The following PCDH9 variants were observed in gnomAD, a reference collection of about 807,000 sequenced individuals.
PCDH9 encodes the protein protocadherin-9.
A neutral mutation model predicts 70.6 loss-of-function variants in PCDH9; 24 were observed. The ratio of observed to expected loss-of-function variants is 0.34; its 90% CI spans 0.25 to 0.48. The LOEUF is 0.48. PCDH9 is among the 20% of genes least tolerant of loss of function. The pLI is 0.99. For missense variants in PCDH9, 1,281 were observed against 1,503.6 expected (o/e 0.85, Z 2.45); for synonymous variants, 562 against 558.5 (o/e 1.01, Z -0.09).
chr13:66,530,820 G>C (rs1960418398), intron 4 of PCDH9, among the ~76,000 whole-genome samples: 1 of 151,976 alleles, frequency 6.6e-6, no homozygotes. Context: ...AGTTTCTCTG[G>C]GGAGAACACT....
At chr13:66,326,203 T>A (rs1038942663) in intron 4 of PCDH9, among the ~76,000 whole-genome samples, 1 of 152,104 alleles carries the variant, frequency 6.6e-6, no homozygotes, top group Non-Finnish European at 1.5e-5. Flanking sequence ...CACAGGTGGA[T>A]ACAAATTATC....
At chr13:66,517,773 A>G (rs1406982950) in intron 4 of PCDH9, among the ~76,000 whole-genome samples, 1 of 152,122 alleles carries the variant, frequency 6.6e-6, no homozygotes, top group South Asian at 2.1e-4. Context: ...CTTTTAATAA[A>G]CAATTCTTGA....
At chr13:66,671,633 C>A (rs1382241586) in intron 3 of PCDH9, among the ~76,000 whole-genome samples, 1 of 152,130 alleles carries the variant, frequency 6.6e-6, no homozygotes, top group Non-Finnish European at 1.5e-5. Flanking sequence ...AGCAAAGAGA[C>A]TGGTGGCATT....
chr13:66,692,537 T>C (rs922220166), intron 3 of PCDH9, among the ~76,000 whole-genome samples: 1 of 152,022 alleles, frequency 6.6e-6, no homozygotes, highest in African/African-American at 2.4e-5. Context: ...TAATTACAAT[T>C]CCAATGGAGC....
chr13:66,453,569 A>G (rs1242519906), intron 4 of PCDH9, among the ~76,000 whole-genome samples: 1 of 152,174 alleles, frequency 6.6e-6, no homozygotes, highest in Non-Finnish European at 1.5e-5. Context: ...CTGTGCTAGC[A>G]TAAACACTCT....
At chr13:66,334,046 A>G (rs1412640664) in intron 4 of PCDH9, among the ~76,000 whole-genome samples, 1 of 152,198 alleles carries the variant, frequency 6.6e-6, no homozygotes, top group African/African-American at 2.4e-5. Flanking sequence ...TGTTGAGAAC[A>G]TTCCAAATAT....
At chr13:66,421,276 TC>T (rs1404083723) in intron 4 of PCDH9, among the ~76,000 whole-genome samples, 1 of 152,068 alleles carries the variant, frequency 6.6e-6, no homozygotes, top group Non-Finnish European at 1.5e-5. Context: ...CAGGAGAACT[TC>T]CCCGACCTAG....
At chr13:66,561,634 ACT>A (rs1962041602) in intron 4 of PCDH9, among the ~76,000 whole-genome samples, 2 of 152,072 alleles carry the variant, frequency 1.3e-5, no homozygotes, top group South Asian at 2.1e-4. Context: ...ACCAATCCAC[ACT>A]CTGTATCTAG....
intron 3 of PCDH9, among the ~76,000 whole-genome samples, chr13:66,633,962 T>C (rs939048802): frequency 6.6e-6 from 1 of 152,268 alleles, no homozygotes; most frequent in African/African-American, 2.4e-5. Context: ...GGTACAATGA[T>C]TACACTGAAA....
rs71207607 is a variant in PCDH9 at position 66,828,810 on chromosome 13, A to AAAAAAAAAAAAAAAAAATAAT, written c.3138+74693_3138+74694insATTATTTTTTTTTTTTTTTTT. Among the ~76,000 whole-genome samples the AAAAAAAAAAAAAAAAAATAAT allele has an allele frequency of 3.6e-3, 536 of 148,516 alleles. 6 individuals are homozygous for AAAAAAAAAAAAAAAAAATAAT. Among genetic ancestry groups the AAAAAAAAAAAAAAAAAATAAT allele is most frequent in the African/African-American group, 0.012 (496 of 40,486 alleles). On this transcript the variant is annotated intron_variant, in intron 3 of 4. Coordinates refer to ENST00000377865, the MANE Select transcript of PCDH9 (RefSeq NM_203487.3). ...TAAATTTTGTTGTAAGCCATACATA[A>AAAAAAAAAAAAAAAAAATAAT]AATAATAATAATAATAATAATAATA...
At chr13:66,428,765 A>T (rs1164868228) in intron 4 of PCDH9, among the ~76,000 whole-genome samples, 1 of 151,810 alleles carries the variant, frequency 6.6e-6, no homozygotes, top group African/African-American at 2.4e-5. Flanking sequence ...CATAAATTAG[A>T]TTATTAAATT....
chr13:66,474,507 C>CA (rs1182992242), intron 4 of PCDH9, among the ~76,000 whole-genome samples: 1 of 151,872 alleles, frequency 6.6e-6, no homozygotes, highest in Non-Finnish European at 1.5e-5. Flanking sequence ...GTCAATATTA[C>CA]AAAAAAGCCT....
At chr13:66,661,282 T>G (rs564929514) in intron 3 of PCDH9, among the ~76,000 whole-genome samples, 2 of 152,290 alleles carry the variant, frequency 1.3e-5, no homozygotes, top group African/African-American at 4.8e-5. Flanking sequence ...ACCTAACACT[T>G]CGATATGAGT....
intron 2 of PCDH9, among the ~76,000 whole-genome samples, chr13:67,114,579 T>G (rs1242654472): frequency 6.6e-6 from 1 of 152,216 alleles, no homozygotes; most frequent in Non-Finnish European, 1.5e-5. Flanking sequence ...CAAACACCTT[T>G]ACACCAATAT....
At chr13:66,956,383 T>C (rs1181335083) in intron 2 of PCDH9, among the ~76,000 whole-genome samples, 1 of 152,146 alleles carries the variant, frequency 6.6e-6, no homozygotes, top group African/African-American at 2.4e-5. Context: ...ATAATGAGGC[T>C]TAAATTAAGT....
intron 3 of PCDH9, among the ~76,000 whole-genome samples, chr13:66,731,029 T>C (rs1416833483): frequency 6.6e-6 from 1 of 151,796 alleles, no homozygotes; most frequent in Non-Finnish European, 1.5e-5. Flanking sequence ...AGGCGTATAA[T>C]ATATATTTCT....
At chr13:67,042,321 A>T (rs1369170490) in intron 2 of PCDH9, among the ~76,000 whole-genome samples, 1 of 152,148 alleles carries the variant, frequency 6.6e-6, no homozygotes, top group African/African-American at 2.4e-5. Context: ...CTGGGGAGGC[A>T]TTAGGAAACT....
At chr13:66,984,980 C>T (rs1013659775) in intron 2 of PCDH9, among the ~76,000 whole-genome samples, 1 of 151,974 alleles carries the variant, frequency 6.6e-6, no homozygotes, top group Admixed American at 6.6e-5. Flanking sequence ...CATAGGAATC[C>T]TTGCCTTAGG....
At chr13:66,377,108 C>T (rs1956762403) in intron 4 of PCDH9, among the ~76,000 whole-genome samples, 1 of 152,132 alleles carries the variant, frequency 6.6e-6, no homozygotes, top group African/African-American at 2.4e-5. Context: ...AAGAAATCAC[C>T]ATATCTGTGA....
Sources: allele counts gnomAD v4.1 joint callset (sites outside exome capture counted in the v4.1 genomes callset), GRCh38; gene constraint gnomAD v4.1.1; transcripts MANE v1.5; gene names NCBI Gene and HGNC (gene_info 2026-07-23, HGNC 2026-07-21).